ACSM2B: variants seen among roughly 807,000 people sequenced by gnomAD.
ACSM2B encodes the protein acyl-CoA synthetase medium chain family member 2B, also known as acyl-coenzyme A synthetase ACSM2B, mitochondrial.
ACSM2B carries 58 observed loss-of-function variants against 78.6 expected under a neutral mutation model. The observed-to-expected ratio is 0.74, with a 90% confidence interval of 0.60 to 0.92. ACSM2B has a LOEUF of 0.92. Among genes scored for constraint, ACSM2B ranks in the 40% least tolerant of loss-of-function variants. The probability of loss-of-function intolerance (pLI) is 0.00; values close to 1 mark genes in which losing one functional copy is unlikely to be tolerated. For synonymous variants in ACSM2B, 257 were observed against 256.8 expected, an observed-to-expected ratio of 1.00 and a Z score of -0.01; for missense variants, 688 against 711.2, an observed-to-expected ratio of 0.97 and a Z score of 0.37.
chr16:20,555,145 A>T, intron 4 of ACSM2B, 124 bp downstream of exon 4: 1 of 1,471,666 alleles, frequency 6.8e-7, no homozygotes, highest in Non-Finnish European at 9.2e-7. Context: ...ATTTCTTCCC[A>T]GCTTCACTCT....
At position 20,559,319 on chromosome 16, in the gene ACSM2B, G is replaced by C; in HGVS notation, c.306C>G (p.Gly102=). ...CTGCCACACGATCCCCACGCTGCAG[G>C]CCACAGGCTCCCGAGAGGATGTTGG... ...QAANILSGAC[G]LQRGDRVAVM... The change falls in exon 3 of 14, where the codon GGC becomes GGG. Residue 102 remains glycine, a synonymous_variant. Coordinates refer to ENST00000329697, the MANE Select transcript of ACSM2B (RefSeq NM_001105069.2). 1 of 1,612,892 alleles carries C rather than the reference G, an allele frequency of 6.2e-7. No homozygotes were observed. Among genetic ancestry groups the C allele is most frequent in the Non-Finnish European group, 8.5e-7 (1 of 1,179,512 alleles).
intron 6 of ACSM2B, among the ~76,000 whole-genome samples, chr16:20,551,830 T>C (rs903586382): frequency 1.3e-5 from 2 of 152,198 alleles, no homozygotes; most frequent in African/African-American, 4.8e-5. Context: ...TTTTCCCTTT[T>C]ACATGTGGTT....
chr16:20,558,693 T>G lies in ACSM2B; in HGVS notation c.388+544A>C, dbSNP rs145999974. ...TTCAAGTCTCTTTTTAGAAAAGCAT[T>G]GGCAAACTTTTTCTGCAAAGAGCCA... On this transcript the variant is annotated intron_variant, in intron 3 of 13. Coordinates refer to ENST00000329697, the MANE Select transcript of ACSM2B (RefSeq NM_001105069.2). 5.7e-3 allele frequency among the ~76,000 whole-genome samples: 870 copies of G among 152,320 alleles called. 4 individuals carry two copies. Among genetic ancestry groups the G allele is most frequent in the Non-Finnish European group, 8.2e-3 (558 of 68,036 alleles).
chr16:20,544,881 A>G, intron 10 of ACSM2B: 1 of 1,135,702 alleles, frequency 8.8e-7, no homozygotes, highest in Non-Finnish European at 1.1e-6. Flanking sequence ...TTCAGGGTCA[A>G]TAATATTTTG....
rs141497348 is a variant in ACSM2B, at chr16:20,557,271, A to C, written c.389-1795T>G. ...TCAACATGCCCAAATTGAACTTGTCATATTTTCCTAACATACCCATACCTC... is the reference window on the plus strand; with the variant it reads ...TCAACATGCCCAAATTGAACTTGTCCTATTTTCCTAACATACCCATACCTC... On this transcript the variant is annotated intron_variant, in intron 3 of 13. Coordinates refer to ENST00000329697, the MANE Select transcript of ACSM2B (RefSeq NM_001105069.2). 7.2e-5 allele frequency among the ~76,000 whole-genome samples: 11 copies of C among 152,318 alleles called. No individual in the cohort carries two copies. The East Asian group carries it at 1.5e-3, about 21-fold the overall frequency.
chr16:20,546,514 A>G, intron 8 of ACSM2B, 40 bp from the exon 9 acceptor site: 2 of 1,576,792 alleles, frequency 1.3e-6, no homozygotes, highest in Non-Finnish European at 1.7e-6. Context: ...CCTCAGGAGG[A>G]GGTACAAGGT....
In ACSM2B at chr16:20,546,427, G is replaced by A. The variant is rs766245437; in HGVS notation, c.1146C>T (p.Tyr382=). 2.5e-5 allele frequency: 41 copies of A among 1,609,594 alleles called. No individual in the cohort carries two copies. In the Admixed American group the frequency reaches 6.7e-4, roughly 26 times the overall value. Residue 382 remains tyrosine (Y), a synonymous_variant, in exon 9 of 14, where the codon TAC becomes TAT. Transcript: ENST00000329697. Reference sequence around the variant, plus strand: ...CATAACAGGAAGCAGCCGTTCCCATGTATCCTGGTTTGATTTTCATTGTCT... The same window carrying A: ...CATAACAGGAAGCAGCCGTTCCCATATATCCTGGTTTGATTTTCATTGTCT... The part of the protein sequence containing the change: ...VSKTMKIKPG[Y]MGTAASCYDV...
chr16:20,573,416 G>T (rs1157304559), intron 1 of ACSM2B, among the ~76,000 whole-genome samples: 3 of 149,924 alleles, frequency 2.0e-5, no homozygotes, highest in Non-Finnish European at 4.4e-5. Flanking sequence ...CTCAGACAAA[G>T]GTGGAAAGGC....
At chr16:20,547,705 G>A (rs1567207846) in intron 8 of ACSM2B, 3 of 1,098,022 alleles carry the variant, frequency 2.7e-6, no homozygotes, top group Non-Finnish European at 3.3e-6. Context: ...CTGCTAAAAT[G>A]TTTCCCCATC....
intron 2 of ACSM2B, among the ~76,000 whole-genome samples, chr16:20,561,716 C>A (rs943343664): frequency 6.6e-6 from 1 of 151,574 alleles, no homozygotes; most frequent in African/African-American, 2.4e-5. Context: ...CCTGATATTT[C>A]TTTTTTTATT....
At chr16:20,542,823 T>C (rs2015033238) in intron 12 of ACSM2B, 91 bp downstream of exon 12, 3 of 1,516,236 alleles carry the variant, frequency 2.0e-6, no homozygotes, top group African/African-American at 2.8e-5. Flanking sequence ...TCTCAGAGTG[T>C]TCAGCCCCAC....
intron 1 of ACSM2B, among the ~76,000 whole-genome samples, chr16:20,567,110 TAA>T (rs2152146840): frequency 1.5e-5 from 2 of 135,774 alleles, no homozygotes; most frequent in Admixed American, 1.7e-4. Context: ...ATAATATATA[TAA>T]TAGTATAGTA....
At position 20,537,480 on chromosome 16, in the gene ACSM2B, G is replaced by T. The variant is rs62035053; in HGVS notation, c.1630-118C>A. On this transcript the variant is annotated intron_variant, in intron 13 of 13. Transcript: ENST00000329697. ...AGGCTGGAGCCACTTCAGGGTAGCC[G>T]CCCTGTGCAATAAGAAGCTTCAGAA... 2,347 of 1,111,052 alleles carry T rather than the reference G, an allele frequency of 2.1e-3. 12 individuals carry two copies. Among genetic ancestry groups the T allele is most frequent in the Non-Finnish European group, 2.8e-3 (2,115 of 749,296 alleles). The allele number at this position is 1,111,052 out of a possible 1,614,324, so 68.8% of individuals were successfully genotyped here.
At chr16:20,549,013 C>G (rs2015226907) in intron 6 of ACSM2B, among the ~76,000 whole-genome samples, 2 of 152,158 alleles carry the variant, frequency 1.3e-5, no homozygotes, top group South Asian at 4.1e-4. Context: ...TGAATACTTG[C>G]CATGTCCTGT....
chr16:20,541,164 A>G (rs1487971578), intron 12 of ACSM2B: 1 of 168,436 alleles, frequency 5.9e-6, no homozygotes, highest in Non-Finnish European at 1.3e-5. Flanking sequence ...AATTCAACTT[A>G]TGGTAACTAA....
At chr16:20,538,755 T>C (rs2152130295) in intron 13 of ACSM2B, among the ~76,000 whole-genome samples, 1 of 152,300 alleles carries the variant, frequency 6.6e-6, no homozygotes, top group South Asian at 2.1e-4. Context: ...ATTCTCATTT[T>C]GCAAATAAGG....
At chr16:20,559,479 G>T (rs765684143) in intron 2 of ACSM2B, 32 bp from the exon 3 acceptor site, 3 of 1,608,868 alleles carry the variant, frequency 1.9e-6, no homozygotes, top group Non-Finnish European at 2.5e-6. Context: ...TGATTAGGGG[G>T]CATTGGTACA....
chr16:20,551,746 G>A (rs1275710473), intron 6 of ACSM2B, among the ~76,000 whole-genome samples: 1 of 152,050 alleles, frequency 6.6e-6, no homozygotes, highest in Non-Finnish European at 1.5e-5. Flanking sequence ...AAATAAAAAA[G>A]GAAATGAAAT....
At chr16:20,554,666 G>A (rs2015414963) in intron 4 of ACSM2B, among the ~76,000 whole-genome samples, 1 of 152,216 alleles carries the variant, frequency 6.6e-6, no homozygotes, top group Non-Finnish European at 1.5e-5. Context: ...CTCTGACCTT[G>A]ATCAGCCTCT....
Sources: allele counts gnomAD v4.1 joint callset (sites outside exome capture counted in the v4.1 genomes callset), GRCh38; gene constraint gnomAD v4.1.1; transcripts MANE v1.5; gene names NCBI Gene and HGNC (gene_info 2026-07-23, HGNC 2026-07-21).